Variants in CHODL observed in about 807,000 individuals in gnomAD.
CHODL encodes chondrolectin, also known as transmembrane protein MT75.
CHODL carries 29 observed loss-of-function variants against 34.5 expected under a neutral mutation model. That is an observed-to-expected ratio of 0.84 (90% CI 0.63 to 1.15). The LOEUF is 1.15. Among genes scored for constraint, CHODL ranks in the 50% most tolerant of loss-of-function variants. The pLI, the probability that CHODL is intolerant of heterozygous loss-of-function variation, is 0.00. For missense variants in CHODL, 332 were observed against 332.5 expected (o/e 1.00, Z 0.01); for synonymous variants, 125 against 116.1 (o/e 1.08, Z -0.49).
upstream of CHODL, among the ~76,000 whole-genome samples, chr21:18,243,067 A>G (rs939915343): frequency 1.3e-5 from 2 of 152,192 alleles, no homozygotes; most frequent in African/African-American, 4.8e-5. Flanking sequence ...TTCTACAGGT[A>G]TTTGGAGAAG....
At chr21:18,234,588 A>G (rs1417477554) in intron 2 of CHODL, among the ~76,000 whole-genome samples, 1 of 152,044 alleles carries the variant, frequency 6.6e-6, no homozygotes, top group Non-Finnish European at 1.5e-5. Flanking sequence ...AATGCAACTA[A>G]AAGGGGAGGC....
intron 2 of CHODL, among the ~76,000 whole-genome samples, chr21:18,091,125 G>C (rs1017591752): frequency 6.6e-6 from 1 of 152,210 alleles, no homozygotes; most frequent in African/African-American, 2.4e-5. Flanking sequence ...GCTTGGCTTA[G>C]CCAGTCCCCA....
At chr21:18,057,949 A>C (rs1020290544) in intron 2 of CHODL, among the ~76,000 whole-genome samples, 2 of 152,104 alleles carry the variant, frequency 1.3e-5, no homozygotes, top group African/African-American at 4.8e-5. Context: ...TTATCACCTC[A>C]AATATTTATT....
chr21:18,183,621 A>G (rs2073407233), intron 2 of CHODL, among the ~76,000 whole-genome samples: 2 of 152,220 alleles, frequency 1.3e-5, no homozygotes, highest in Admixed American at 1.3e-4. Context: ...AGATCCAGAA[A>G]AAGAAGGAAG....
intron 2 of CHODL, among the ~76,000 whole-genome samples, chr21:18,193,065 A>C (rs1486933219): frequency 6.6e-6 from 1 of 152,212 alleles, no homozygotes; most frequent in Admixed American, 6.5e-5. Context: ...TACACTAAAA[A>C]TATAGTCAAA....
chr21:18,113,732 T>A (rs756461821), intron 2 of CHODL, among the ~76,000 whole-genome samples: 3 of 152,120 alleles, frequency 2.0e-5, no homozygotes, highest in Non-Finnish European at 4.4e-5. Context: ...AAACACGAGA[T>A]TTGGGTGGGG....
At chr21:18,087,364 A>G (rs2065020244) in intron 2 of CHODL, among the ~76,000 whole-genome samples, 2 of 152,176 alleles carry the variant, frequency 1.3e-5, no homozygotes, top group East Asian at 3.9e-4. Context: ...ATCACCCTGA[A>G]CTCAGTCTGA....
chr21:18,087,206 G>T (rs2065018507), intron 2 of CHODL, among the ~76,000 whole-genome samples: 2 of 152,178 alleles, frequency 1.3e-5, no homozygotes, highest in African/African-American at 4.8e-5. Context: ...CAGGTGAGCA[G>T]CCTGGGTAAG....
chr21:18,038,810 A>G (rs1318952631), intron 2 of CHODL, among the ~76,000 whole-genome samples: 1 of 151,704 alleles, frequency 6.6e-6, no homozygotes, highest in Admixed American at 6.6e-5. Flanking sequence ...GATTTGGGGT[A>G]TTTTAGATAT....
chr21:18,151,998 G>GTA (rs1331716118), intron 2 of CHODL, among the ~76,000 whole-genome samples: 3 of 146,294 alleles, frequency 2.1e-5, no homozygotes, highest in African/African-American at 7.6e-5. Context: ...CTGTGTGTGT[G>GTA]TGTGTGTGTG....
intron 1 of CHODL, among the ~76,000 whole-genome samples, chr21:17,977,691 G>A (rs1402080553): frequency 6.8e-6 from 1 of 147,870 alleles, no homozygotes; most frequent in African/African-American, 2.5e-5. Context: ...GGCTGAGGCA[G>A]GCGAATCCCG....
intron 2 of CHODL, among the ~76,000 whole-genome samples, chr21:18,184,646 G>A (rs2824693): frequency 0.56 from 84,431 of 152,034 alleles, 28,576 homozygotes; most frequent in Non-Finnish European, 0.77. Flanking sequence ...GCCCAGTATT[G>A]AACACCATGG....
intron 2 of CHODL, among the ~76,000 whole-genome samples, chr21:18,186,686 G>A (rs1425945888): frequency 1.3e-5 from 2 of 152,034 alleles, no homozygotes; most frequent in African/African-American, 4.8e-5. Context: ...ACCAAACATT[G>A]AAAGCATTCG....
chr21:18,247,815 A>G (rs1296273137), intron 1 of CHODL, among the ~76,000 whole-genome samples: 1 of 151,992 alleles, frequency 6.6e-6, no homozygotes, highest in Non-Finnish European at 1.5e-5. Flanking sequence ...TATCTATGGG[A>G]GCTGCAATCA....
chr21:18,207,479 T>C (rs1032170185), intron 2 of CHODL, among the ~76,000 whole-genome samples: 3 of 152,166 alleles, frequency 2.0e-5, no homozygotes, highest in Admixed American at 2.0e-4. Flanking sequence ...ACTTAAGATA[T>C]GATTAGTTTA....
At chr21:18,253,704 T>C (rs2146806220) in intron 1 of CHODL, among the ~76,000 whole-genome samples, 2 of 152,304 alleles carry the variant, frequency 1.3e-5, no homozygotes, top group Middle Eastern at 6.8e-3. Context: ...GGGACTTTCA[T>C]GATCATCTCT....
intron 1 of CHODL, among the ~76,000 whole-genome samples, chr21:17,936,796 C>T (rs1001825501): frequency 6.6e-6 from 1 of 152,104 alleles, no homozygotes; most frequent in Non-Finnish European, 1.5e-5. Flanking sequence ...GAAGGAAGGG[C>T]CGGGCGTGGT....
chr21:18,183,635 G>A (rs191559217), intron 2 of CHODL, among the ~76,000 whole-genome samples: 3 of 152,258 alleles, frequency 2.0e-5, no homozygotes, highest in African/African-American at 7.2e-5. Context: ...AAGGAAGTAA[G>A]GCTTTTCCCC....
At chr21:18,231,763 G>A (rs1327684988) in intron 2 of CHODL, among the ~76,000 whole-genome samples, 2 of 151,660 alleles carry the variant, frequency 1.3e-5, no homozygotes, top group African/African-American at 4.8e-5. Context: ...AAAGGGCCTG[G>A]TTAGGTGTTC....
Sources: gnomAD v4.1 joint callset for allele counts (sites outside exome capture counted in the v4.1 genomes callset) on GRCh38, gnomAD v4.1.1 for gene constraint, MANE v1.5 for transcripts, NCBI Gene and HGNC (gene_info 2026-07-23, HGNC 2026-07-21) for gene names.